The following E2F6 variants were observed in gnomAD, a reference collection of about 807,000 sequenced individuals.
E2F6 encodes transcription factor E2F6.
E2F6 carries 19 observed loss-of-function variants against 31.5 expected under a neutral mutation model. The observed-to-expected ratio is 0.60, with a 90% CI of 0.42 to 0.89. The LOEUF (loss-of-function observed/expected upper bound fraction) is 0.89, where lower values mean the gene tolerates loss of function less well. Ranked by LOEUF, E2F6 falls within the 40% of genes least tolerant of loss-of-function variation. E2F6 has a pLI of 0.00. For synonymous variants in E2F6, 121 were observed against 127.7 expected (o/e 0.95, Z 0.36); for missense variants, 269 against 341.6 (o/e 0.79, Z 1.67).
At chr2:11,465,592 T>C (rs1449156382) in intron 1 of E2F6, among the ~76,000 whole-genome samples, 180 bp downstream of exon 1, 3 of 152,250 alleles carry the variant, frequency 2.0e-5, no homozygotes, top group African/African-American at 4.8e-5. Context: ...ATACCACGTC[T>C]GTGAGCAGAT....
chr2:11,450,689 C>T (rs143607871), intron 4 of E2F6, among the ~76,000 whole-genome samples: 1,550 of 152,282 alleles, frequency 0.01, 4 homozygotes, highest in Middle Eastern at 0.031. Context: ...TTCGTCTTGT[C>T]TCACTGTGTT....
intron 5 of E2F6, among the ~76,000 whole-genome samples, chr2:11,448,319 G>GT (rs1670851203): frequency 6.6e-6 from 1 of 152,040 alleles, no homozygotes; most frequent in African/African-American, 2.4e-5. Context: ...TTTCCGTAAG[G>GT]TATCAGGCAA....
rs1188680442 is a variant in E2F6, at chr2:11,444,702, A to T, written c.*1775T>A. On this transcript the variant is annotated 3_prime_UTR_variant, in exon 7 of 7. Coordinates refer to ENST00000381525, the MANE Select transcript of E2F6 (RefSeq NM_198256.4). ...CTACTCTTGTGGCTTAAACTATCGC[A>T]TCTAAACTGACATCTGCCTGACGTA... 1.3e-5 allele frequency: 2 copies of T among 151,698 alleles called. No homozygotes were observed. Among genetic ancestry groups the T allele is most frequent in the Admixed American group, 1.3e-4 (2 of 15,186 alleles). 9.4% of individuals were successfully genotyped at this position (151,698 alleles called of 1,614,324 possible). A position where few individuals can be genotyped will look rare whatever the true frequency, so the allele number is the denominator to read the frequency against.
In E2F6 at chr2:11,459,097, G is replaced by GA. The variant is rs779196668; in HGVS notation, c.109-1865dup. Among the ~76,000 whole-genome samples, 109 of 144,566 alleles carry GA rather than the reference G, an allele frequency of 7.5e-4. 1 individual carries two copies. Among genetic ancestry groups the GA allele is most frequent in the African/African-American group, 1.9e-3 (77 of 39,522 alleles). 94.8% of individuals were successfully genotyped at this position (144,566 alleles called of 152,430 possible). On this transcript the variant is annotated intron_variant, in intron 1 of 6. Coordinates refer to ENST00000381525, the MANE Select transcript of E2F6 (RefSeq NM_198256.4). ...GCTACGGTAGCAAGATTCTTGAATG[G>GA]AAAAAAAAAAAATCCATCCTTATCA...
rs1445511445 is a variant in E2F6 at position 11,453,620 on chromosome 2, G to A, written c.342C>T (p.Asp114=). ...GGTTCTTGGATTTCTTTTCAACGAG[G>A]TCGATTCCATCTAAGACATTGGTGA... ...YDITNVLDGI[D]LVEKKSKNHI... is the part of the protein sequence containing the mutation. Residue 114 remains aspartate, a synonymous_variant, in exon 3 of 7, where the codon GAC becomes GAT. Coordinates refer to ENST00000381525, the MANE Select transcript of E2F6 (RefSeq NM_198256.4). 12 of 1,613,946 alleles carry A rather than the reference G, an allele frequency of 7.4e-6. No individual in the cohort carries two copies. Among genetic ancestry groups the A allele is most frequent in the African/African-American group, 1.3e-5 (1 of 74,884 alleles).
chr2:11,465,178 CAAAAAAAAAA>C (rs59561027), intron 1 of E2F6, among the ~76,000 whole-genome samples: 4 of 88,606 alleles, frequency 4.5e-5, no homozygotes, highest in Non-Finnish European at 8.3e-5. Flanking sequence ...AACTCAATCT[CAAAAAAAAAA>C]AAAAAAAAGA....
intron 2 of E2F6, 134 bp from the exon 3 acceptor site, chr2:11,453,932 G>C (rs769509119): frequency 3.8e-5 from 29 of 754,314 alleles, no homozygotes; most frequent in Non-Finnish European, 5.5e-5. Context: ...AATCAAAGCT[G>C]GTTTCTATGA....
In E2F6 at chr2:11,445,120, A is replaced by G. The variant is rs193068999; in HGVS notation, c.*1357T>C. Reference sequence around the variant, plus strand: ...ATGTGAATCCTAAACACTCAGCATTATTTTTTAATACTTTGATTTTGGATT... The same window carrying G: ...ATGTGAATCCTAAACACTCAGCATTGTTTTTTAATACTTTGATTTTGGATT... On this transcript the variant is annotated 3_prime_UTR_variant, in exon 7 of 7. Coordinates refer to ENST00000381525, the MANE Select transcript of E2F6 (RefSeq NM_198256.4). The G allele has an allele frequency of 3.9e-5, 6 of 152,264 alleles. No individual in the cohort carries two copies. The highest frequency in any genetic ancestry group is 2.6e-4 in the Admixed American group (4 of 15,296). The allele number at this position is 152,264 out of a possible 1,614,324, so 9.4% of individuals were successfully genotyped here. A position where few individuals can be genotyped will look rare whatever the true frequency, so the allele number is the denominator to read the frequency against.
In E2F6 at chr2:11,457,245, G is replaced by T. The variant is rs371574917; in HGVS notation, c.109-12C>A. The stretch of plus-strand genomic sequence containing the variant: ...CTTATTTTTGATGGCTGAAAAAAAA[G>T]ATAAAAAATTTAACTTAGTGATTTT... On this transcript the variant is annotated splice_polypyrimidine_tract_variant and intron_variant, in intron 1 of 6. Transcript: ENST00000381525. 1 of 1,492,000 alleles carries T rather than the reference G, an allele frequency of 6.7e-7. No individual in the cohort carries two copies. Among genetic ancestry groups the T allele is most frequent in the Non-Finnish European group, 9.3e-7 (1 of 1,073,928 alleles). 92.4% of individuals were successfully genotyped at this position (1,492,000 alleles called of 1,614,324 possible). A position where few individuals can be genotyped will look rare whatever the true frequency, so the allele number is the denominator to read the frequency against.
chr2:11,465,736 G>A (rs199590884), intron 1 of E2F6, 36 bp downstream of exon 1: 6 of 1,552,036 alleles, frequency 3.9e-6, no homozygotes, highest in Non-Finnish European at 5.2e-6. Flanking sequence ...GGATTTGGGA[G>A]ACCACCGCCC....
In E2F6 at chr2:11,455,421, C is replaced by G. The variant is rs561748006; in HGVS notation, c.164-1623G>C. On this transcript the variant is annotated intron_variant, in intron 2 of 6. Transcript: ENST00000381525. ...AGACCACTGGCGGTTACTTCAGGAA[C>G]AAAGGTACATATTTCATAATATAAA... 17 of 1,285,926 alleles carry G rather than the reference C, an allele frequency of 1.3e-5. 2 individuals carry two copies. The South Asian group carries it at 1.8e-4, about 14-fold the overall frequency. 79.7% of individuals were successfully genotyped at this position (1,285,926 alleles called of 1,614,324 possible).
intron 5 of E2F6, among the ~76,000 whole-genome samples, chr2:11,448,014 C>T (rs1670830741): frequency 6.6e-6 from 1 of 152,088 alleles, no homozygotes; most frequent in Non-Finnish European, 1.5e-5. Flanking sequence ...AGGAGCTGAC[C>T]CTTCAAGGAG....
intron 2 of E2F6, among the ~76,000 whole-genome samples, chr2:11,454,628 C>G (rs1213553604): frequency 1.3e-5 from 2 of 152,010 alleles, no homozygotes; most frequent in African/African-American, 4.8e-5. Context: ...GGATTACAGG[C>G]ATTAAGAGCC....
rs1670704851 is a variant in E2F6 at position 11,446,259 on chromosome 2, GTGAATAA to G, written c.*211_*217del. 5.9e-6 allele frequency: 3 copies of G among 509,346 alleles called. No individual in the cohort carries two copies. Among genetic ancestry groups the G allele is most frequent in the Non-Finnish European group, 1.1e-5 (3 of 285,198 alleles). 31.6% of individuals were successfully genotyped at this position (509,346 alleles called of 1,614,324 possible). ...ATGTCTATTTCACTGACAAAAAGCAGTGAATAATTATAAAAGGAGTTGTTTTCAAATG... is the reference window on the plus strand; with the variant it reads ...ATGTCTATTTCACTGACAAAAAGCAGTTATAAAAGGAGTTGTTTTCAAATG... On this transcript the variant is annotated 3_prime_UTR_variant, in exon 7 of 7. Coordinates refer to ENST00000381525, the MANE Select transcript of E2F6 (RefSeq NM_198256.4).
At chr2:11,460,627 G>GC (rs1671716739) in intron 1 of E2F6, among the ~76,000 whole-genome samples, 2 of 152,158 alleles carry the variant, frequency 1.3e-5, no homozygotes, top group Admixed American at 1.3e-4. Flanking sequence ...ATGCAATCAT[G>GC]CATCTTCTCA....
At chr2:11,456,719 G>A (rs1671427380) in intron 2 of E2F6, among the ~76,000 whole-genome samples, 1 of 152,130 alleles carries the variant, frequency 6.6e-6, no homozygotes, top group African/African-American at 2.4e-5. Flanking sequence ...ACTGGGGCAG[G>A]CACTGAGGCA....
rs143096401 is a variant in E2F6, at chr2:11,447,567, C to T, written c.799+60G>A. ...GTAAAAATATCTTAAGGCCATAATA[C>T]ACATTAATAAAATTATGCATGCTTA... On this transcript the variant is annotated intron_variant, in intron 6 of 6. Coordinates refer to ENST00000381525, the MANE Select transcript of E2F6 (RefSeq NM_198256.4). 504 of 1,565,650 alleles carry T rather than the reference C, an allele frequency of 3.2e-4. 1 individual carries two copies. The African/African-American group carries it at 5.6e-3, about 18-fold the overall frequency.
At chr2:11,446,669 T>C (rs1296302906) in intron 6 of E2F6, 146 bp from the exon 7 acceptor site, 4 of 631,582 alleles carry the variant, frequency 6.3e-6, no homozygotes, top group South Asian at 2.2e-5. Context: ...CTCAGGTTAA[T>C]GGCATAAGGC....
chr2:11,446,572 T>C lies in E2F6; in HGVS notation c.800-49A>G, dbSNP rs111978007. The C allele has an allele frequency of 6.0e-3, 9,010 of 1,507,592 alleles. 432 individuals are homozygous for C. The African/African-American group carries it at 0.11, about 18-fold the overall frequency. 93.4% of individuals were successfully genotyped at this position (1,507,592 alleles called of 1,614,324 possible). On this transcript the variant is annotated intron_variant, in intron 6 of 6. Transcript: ENST00000381525. ...ATACACCTAAGTGAATACACCTAAG[T>C]GAAGGTCTGATAGGCAAATACGTAA...
Sources: allele counts gnomAD v4.1 joint callset (sites outside exome capture counted in the v4.1 genomes callset), GRCh38; gene constraint gnomAD v4.1.1; transcripts MANE v1.5; gene names NCBI Gene and HGNC (gene_info 2026-07-23, HGNC 2026-07-21).